FBXL17: variants seen among roughly 807,000 people sequenced by gnomAD.
FBXL17 encodes the protein F-box and leucine rich repeat protein 17.
In FBXL17, 22 loss-of-function variants were observed where a neutral mutation model predicts 66.2. The ratio of observed to expected loss-of-function variants is 0.33; its 90% CI spans 0.24 to 0.47. FBXL17 has a LOEUF of 0.47. FBXL17 is among the 20% of genes least tolerant of loss of function. The probability of loss-of-function intolerance (pLI) is 1.00; values close to 1 mark genes in which losing one functional copy is unlikely to be tolerated. For synonymous variants in FBXL17, 474 were observed against 400.5 expected (o/e 1.18, Z -2.19); for missense variants, 878 against 948.2 (o/e 0.93, Z 0.97).
At chr5:107,958,600 T>G (rs1202031901) in intron 7 of FBXL17, among the ~76,000 whole-genome samples, 1 of 152,192 alleles carries the variant, frequency 6.6e-6, no homozygotes. Flanking sequence ...TCTTATGTGC[T>G]CCTCTGTCCT....
chr5:107,962,021 A>G (rs1751930405), intron 7 of FBXL17, among the ~76,000 whole-genome samples: 1 of 152,214 alleles, frequency 6.6e-6, no homozygotes, highest in East Asian at 1.9e-4. Flanking sequence ...TGAGCACAAA[A>G]TTATGTTCAC....
chr5:108,014,372 C>T lies in FBXL17; in HGVS notation c.1822+6553G>A, dbSNP rs975990927. Among the ~76,000 whole-genome samples the T allele has an allele frequency of 3.9e-5, 6 of 152,118 alleles. No individual in the cohort carries two copies. The East Asian group carries it at 7.7e-4, about 20-fold the overall frequency. On this transcript the variant is annotated intron_variant, in intron 7 of 8. Transcript: ENST00000542267. ...GGGTAAGAAAGTTAAGGGGTAAGCA[C>T]GCAAAAACAGGTTCATTTGTCTTTT...
chr5:108,381,647 C>T lies in FBXL17; in HGVS notation c.45G>A (p.Gln15=). 1.3e-6 allele frequency: 2 copies of T among 1,483,480 alleles called. No homozygotes were observed. Among genetic ancestry groups the T allele is most frequent in the Non-Finnish European group, 1.8e-6 (2 of 1,121,204 alleles). 91.9% of individuals were successfully genotyped at this position (1,483,480 alleles called of 1,614,324 possible). The part of the protein sequence containing the change: ...LSKEPRNRPS[Q]KRPRCCSWCR... ...ACCAACTGCAACAGCGAGGCCTCTTCTGGCTCGGGCGGTTACGCGGCTCCT... is the reference window on the plus strand; with the variant it reads ...ACCAACTGCAACAGCGAGGCCTCTTTTGGCTCGGGCGGTTACGCGGCTCCT... The change falls in exon 1 of 9, where the codon CAG becomes CAA. Residue 15 remains glutamine (Q), a synonymous_variant. Transcript: ENST00000542267.
intron 5 of FBXL17, among the ~76,000 whole-genome samples, chr5:108,203,451 CT>C (rs1264832287): frequency 6.6e-6 from 1 of 152,082 alleles, no homozygotes; most frequent in Non-Finnish European, 1.5e-5. Context: ...ATAATCAAAG[CT>C]TATATTCTCA....
At chr5:108,305,244 T>TAGC (rs1401922342) in intron 4 of FBXL17, among the ~76,000 whole-genome samples, 2 of 152,030 alleles carry the variant, frequency 1.3e-5, no homozygotes, top group Non-Finnish European at 2.9e-5. Flanking sequence ...TTCTCACATA[T>TAGC]AGCTGAATGA....
intron 8 of FBXL17, among the ~76,000 whole-genome samples, chr5:107,872,156 A>G (rs934478881): frequency 1.3e-5 from 2 of 152,196 alleles, no homozygotes; most frequent in Non-Finnish European, 2.9e-5. Context: ...AAACCTGAAA[A>G]TAGGTGATAT....
At chr5:108,323,887 A>G (rs1424085560) in intron 4 of FBXL17, among the ~76,000 whole-genome samples, 2 of 152,076 alleles carry the variant, frequency 1.3e-5, no homozygotes, top group Non-Finnish European at 2.9e-5. Context: ...TCTACATGCA[A>G]ATGAATGAAG....
Position 108,367,968 on chromosome 5 carries a change from C to T in FBXL17, c.994-15G>A, listed in dbSNP as rs939141210. 1.7e-5 allele frequency: 27 copies of T among 1,548,546 alleles called. No homozygotes were observed. Among genetic ancestry groups the T allele is most frequent in the Non-Finnish European group, 2.2e-5 (25 of 1,145,206 alleles). Reference sequence around the variant, plus strand: ...TTGGAAAATATCTGTGAATAAAAAACGGTACCATATAATATGTGCTAAACA... The same window carrying T: ...TTGGAAAATATCTGTGAATAAAAAATGGTACCATATAATATGTGCTAAACA... On this transcript the variant is annotated splice_polypyrimidine_tract_variant and intron_variant, in intron 1 of 8. Transcript: ENST00000542267.
At chr5:108,045,161 G>A (rs1747204082) in intron 6 of FBXL17, among the ~76,000 whole-genome samples, 1 of 151,926 alleles carries the variant, frequency 6.6e-6, no homozygotes, top group Non-Finnish European at 1.5e-5. Context: ...TTTCTTTCCG[G>A]CCAGGCGTGG....
chr5:108,171,007 A>G (rs868642758), intron 6 of FBXL17, among the ~76,000 whole-genome samples: 2 of 152,192 alleles, frequency 1.3e-5, no homozygotes, highest in South Asian at 4.1e-4. Flanking sequence ...TACCAAAACT[A>G]TCTTTAATGT....
At chr5:107,869,540 G>A (rs1748382689) in intron 8 of FBXL17, among the ~76,000 whole-genome samples, 1 of 152,202 alleles carries the variant, frequency 6.6e-6, no homozygotes, top group Non-Finnish European at 1.5e-5. Flanking sequence ...AAGAAAAAAA[G>A]AGCAGATGAT....
intron 6 of FBXL17, among the ~76,000 whole-genome samples, chr5:108,083,114 G>A (rs1043915953): frequency 3.3e-5 from 5 of 151,946 alleles, no homozygotes; most frequent in African/African-American, 7.3e-5. Context: ...TTAAGAAGGT[G>A]TAAAATAGTA....
chr5:108,212,416 G>A (rs1245280192), intron 5 of FBXL17, among the ~76,000 whole-genome samples: 2 of 152,252 alleles, frequency 1.3e-5, no homozygotes, highest in East Asian at 3.9e-4. Context: ...GAGGCTTTCT[G>A]GTTTTTGGAA....
At chr5:108,231,912 C>T (rs921669530) in intron 4 of FBXL17, among the ~76,000 whole-genome samples, 1 of 152,124 alleles carries the variant, frequency 6.6e-6, no homozygotes, top group Non-Finnish European at 1.5e-5. Context: ...ACAGCCCAAT[C>T]CAGGTAGGAC....
At chr5:108,260,490 G>T (rs1756767960) in intron 4 of FBXL17, among the ~76,000 whole-genome samples, 1 of 151,968 alleles carries the variant, frequency 6.6e-6, no homozygotes, top group Non-Finnish European at 1.5e-5. Context: ...GTAACATAAT[G>T]GGCTTCCCCT....
chr5:108,120,322 A>T (rs552502395), intron 6 of FBXL17, among the ~76,000 whole-genome samples: 1 of 152,290 alleles, frequency 6.6e-6, no homozygotes, highest in South Asian at 2.1e-4. Context: ...GTTTAATCTC[A>T]CCTTTGTAAG....
At chr5:108,232,794 T>TATATATATATATATATAAA (rs1294290778) in intron 4 of FBXL17, among the ~76,000 whole-genome samples, 2 of 124,848 alleles carry the variant, frequency 1.6e-5, no homozygotes, top group African/African-American at 6.4e-5. Context: ...TATATATATA[T>TATATATATATATATATAAA]ATATATATAT....
chr5:107,929,063 C>A (rs1377214478), intron 7 of FBXL17, among the ~76,000 whole-genome samples: 1 of 152,072 alleles, frequency 6.6e-6, no homozygotes, highest in Non-Finnish European at 1.5e-5. Flanking sequence ...GGAAATAACA[C>A]AAGGCAATGA....
At chr5:108,245,450 C>A (rs1321003973) in intron 4 of FBXL17, among the ~76,000 whole-genome samples, 2 of 152,074 alleles carry the variant, frequency 1.3e-5, no homozygotes, top group East Asian at 3.8e-4. Context: ...ATTCCTTAAA[C>A]AAGAAAACCG....
Sources: gnomAD v4.1 joint callset for allele counts (sites outside exome capture counted in the v4.1 genomes callset) on GRCh38, gnomAD v4.1.1 for gene constraint, MANE v1.5 for transcripts, NCBI Gene and HGNC (gene_info 2026-07-23, HGNC 2026-07-21) for gene names.